Variants in HTT observed in about 807,000 individuals in gnomAD.
HTT encodes huntingtin.
Under a neutral mutation model 362.3 loss-of-function variants are expected in HTT, and 104 were observed. The ratio of observed to expected loss-of-function variants is 0.29; its 90% CI spans 0.24 to 0.34. The LOEUF (loss-of-function observed/expected upper bound fraction) is 0.34, where lower values mean the gene tolerates loss of function less well. HTT is among the 10% of genes least tolerant of loss of function. HTT has a pLI of 1.00. For synonymous variants in HTT, 1,577 were observed against 1,548.7 expected, an observed-to-expected ratio of 1.02 and a Z score of -0.43; for missense variants, 3,301 against 3,928.6, an observed-to-expected ratio of 0.84 and a Z score of 4.27.
rs1291971468 is a variant in HTT at position 3,154,316 on chromosome 4, C to T, written c.3522C>T (p.Asn1174=). Residue 1174 remains asparagine, a synonymous_variant, in exon 27 of 67, where the codon AAC becomes AAT. Transcript: ENST00000355072. ...AGGCAGCCTTGCCTTCTCTAACAAA[C>T]CCCCCTTCTCTAAGTCCCATCCGAC... ...AIKAALPSLT[N]PPSLSPIRRK... 1.2e-6 allele frequency: 2 copies of T among 1,602,120 alleles called. No homozygotes were observed. Among genetic ancestry groups the T allele is most frequent in the African/African-American group, 2.7e-5 (2 of 74,572 alleles).
chr4:3,191,177 TTC>T (rs1248524873), intron 40 of HTT, among the ~76,000 whole-genome samples: 1 of 150,676 alleles, frequency 6.6e-6, no homozygotes, highest in African/African-American at 2.4e-5. Flanking sequence ...CTTTCTTTCT[TTC>T]TTTTTTTTTT....
At position 3,140,639 on chromosome 4, in the gene HTT, C is replaced by T. The variant is rs1419544260; in HGVS notation, c.2928C>T (p.Ser976=). Residue 976 remains serine, a synonymous_variant, in exon 22 of 67, where the codon TCC becomes TCT. Transcript: ENST00000355072. Reference sequence around the variant, plus strand: ...AGACGCAGCCTCCATCTCATTTCTCCGTCAGCACAATAACCAGGTATGCTG... The same window carrying T: ...AGACGCAGCCTCCATCTCATTTCTCTGTCAGCACAATAACCAGGTATGCTG... ...MHETQPPSHF[S]VSTITRIYRG... 8.7e-6 allele frequency: 14 copies of T among 1,613,946 alleles called. No homozygotes were observed. The highest frequency in any genetic ancestry group is 2.7e-5 in the African/African-American group (2 of 74,922).
chr4:3,117,405 A>G (rs1406248014), intron 8 of HTT, among the ~76,000 whole-genome samples: 1 of 151,944 alleles, frequency 6.6e-6, no homozygotes, highest in East Asian at 1.9e-4. Context: ...TCAACTCATG[A>G]CCAGTTATAT....
rs73074831 is a variant in HTT at position 3,226,026 on chromosome 4, C to T, written c.7848+283C>T. 6.3e-3 allele frequency among the ~76,000 whole-genome samples: 956 copies of T among 152,132 alleles called. 10 individuals are homozygous for T. Among genetic ancestry groups the T allele is most frequent in the African/African-American group, 0.022 (913 of 41,486 alleles). On this transcript the variant is annotated intron_variant, in intron 57 of 66. Coordinates refer to ENST00000355072, the MANE Select transcript of HTT (RefSeq NM_001388492.1). ...ATGTGTGTAAGAGACAGTGAGAGGG[C>T]GTGACTTGGACTTAAGCAAGGACCG...
intron 45 of HTT, 54 bp downstream of exon 45, chr4:3,207,411 G>T: frequency 7.2e-7 from 1 of 1,395,950 alleles, no homozygotes; most frequent in Admixed American, 1.9e-5. Flanking sequence ...GGATATAAAG[G>T]ATATAGATTT....
At chr4:3,234,028 G>T (rs958764921) in intron 61 of HTT, among the ~76,000 whole-genome samples, 1 of 152,228 alleles carries the variant, frequency 6.6e-6, no homozygotes. Context: ...CCACCCACAT[G>T]GGGGAGTTGA....
rs1718467407 is a variant in HTT, at chr4:3,180,569, A to G, written c.4667A>G (p.Asn1556Ser). Residue 1556 changes from asparagine to serine, a missense_variant, in exon 36 of 67, where the codon AAT becomes AGT. By Grantham distance (46) the Asn-to-Ser change is conservative. Around this residue, in one of 4 missense-constraint regions of HTT, gnomAD observed 2,316 missense variants for 2,658.5 expected, o/e 0.87. Coordinates refer to ENST00000355072, the MANE Select transcript of HTT (RefSeq NM_001388492.1). ...VHDLFVLRGT[N>S]KADAGKELET... ...GACCTCTTTGTATTAAGAGGAACAA[A>G]TAAAGCTGATGCAGGAAAAGAGCTT... The G allele has an allele frequency of 1.2e-6, 2 of 1,613,646 alleles. No homozygotes were observed. The highest frequency in any genetic ancestry group is 8.5e-7 in the Non-Finnish European group (1 of 1,179,830).
At position 3,218,060 on chromosome 4, in the gene HTT, C is replaced by G. The variant is rs1383936593; in HGVS notation, c.7242+108C>G. 17 of 978,944 alleles carry G rather than the reference C, an allele frequency of 1.7e-5. No homozygotes were observed. Among genetic ancestry groups the G allele is most frequent in the Non-Finnish European group, 2.4e-5 (16 of 679,594 alleles). 60.6% of individuals were successfully genotyped at this position (978,944 alleles called of 1,614,324 possible). On this transcript the variant is annotated intron_variant, in intron 52 of 66. Coordinates refer to ENST00000355072, the MANE Select transcript of HTT (RefSeq NM_001388492.1). The surrounding 1 kb of genome is among the most constrained non-coding windows in gnomAD (Gnocchi z 4.4). ...GGACAGAATCCCCGCAGCCCAGAGGCTGCCTGCTGTGGTTCTGGTGCCCAC... is the reference window on the plus strand; with the variant it reads ...GGACAGAATCCCCGCAGCCCAGAGGGTGCCTGCTGTGGTTCTGGTGCCCAC...
At chr4:3,079,795 AC>A (rs1029902685) in intron 1 of HTT, among the ~76,000 whole-genome samples, 7 of 152,154 alleles carry the variant, frequency 4.6e-5, no homozygotes, top group Non-Finnish European at 8.8e-5. Context: ...AAAAGCAGAA[AC>A]CAGTTAGGAA....
chr4:3,157,151 A>T lies in HTT; in HGVS notation c.3705A>T (p.Ser1235=). The T allele has an allele frequency of 6.2e-7, 1 of 1,613,746 alleles. No homozygotes were observed. Among genetic ancestry groups the T allele is most frequent in the African/African-American group, 1.3e-5 (1 of 75,028 alleles). Residue 1235 remains serine, a synonymous_variant, in exon 28 of 67, where the codon TCA becomes TCT. Transcript: ENST00000355072. ...TGGGGAGTTTCTATCATCTTCCTTC[A>T]TACCTCAAACTGCATGATGTCCTGA... ...SSLGSFYHLP[S]YLKLHDVLKA...
chr4:3,133,596 A>T (rs978450768), intron 18 of HTT, among the ~76,000 whole-genome samples: 1 of 151,774 alleles, frequency 6.6e-6, no homozygotes, highest in Non-Finnish European at 1.5e-5. Context: ...CTTAGGGATT[A>T]TTTACTCAAC....
intron 52 of HTT, among the ~76,000 whole-genome samples, chr4:3,219,390 T>C (rs1403799853): frequency 1.3e-5 from 2 of 152,096 alleles, no homozygotes; most frequent in Non-Finnish European, 2.9e-5. Context: ...TCCAGCAAGC[T>C]CTTCACTGGC....
At chr4:3,219,563 C>G (rs1175521827) in intron 52 of HTT, among the ~76,000 whole-genome samples, 1 of 152,108 alleles carries the variant, frequency 6.6e-6, no homozygotes, top group Non-Finnish European at 1.5e-5. Context: ...TATCATAGAG[C>G]CCCCTCTGCC....
intron 56 of HTT, among the ~76,000 whole-genome samples, 186 bp downstream of exon 56, chr4:3,224,317 T>G (rs1350964802): frequency 6.6e-6 from 1 of 152,176 alleles, no homozygotes; most frequent in Middle Eastern, 3.2e-3. Flanking sequence ...AAGTAAAATC[T>G]GGAAATGAAT....
chr4:3,142,779 T>C lies in HTT; in HGVS notation c.2959T>C (p.Tyr987His), dbSNP rs1369807585. 2.6e-6 allele frequency: 4 copies of C among 1,509,686 alleles called. No individual in the cohort carries two copies. The highest frequency in any genetic ancestry group is 3.7e-6 in the Non-Finnish European group (4 of 1,085,122). 93.5% of individuals were successfully genotyped at this position (1,509,686 alleles called of 1,614,324 possible). A position where few individuals can be genotyped will look rare whatever the true frequency, so the allele number is the denominator to read the frequency against. The change falls in exon 23 of 67, where the codon TAT becomes CAT. Residue 987 changes from tyrosine (Y) to histidine (H), a missense_variant. Tyr to His is a moderately conservative substitution (Grantham distance 83). Around this residue, in one of 4 missense-constraint regions of HTT, gnomAD observed 2,316 missense variants for 2,658.5 expected, o/e 0.87. Coordinates refer to ENST00000355072, the MANE Select transcript of HTT (RefSeq NM_001388492.1). The part of the protein sequence containing the change: ...VSTITRIYRG[Y>H]NLLPSITDVT... The stretch of plus-strand genomic sequence containing the variant: ...TTTTGTTATTAGAATATATAGAGGC[T>C]ATAACCTACTACCAAGCATAACAGA...
chr4:3,105,342 A>C lies in HTT; in HGVS notation c.529-15A>C. 6.3e-7 allele frequency: 1 copy of C among 1,595,714 alleles called. No homozygotes were observed. Among genetic ancestry groups the C allele is most frequent in the Non-Finnish European group, 8.6e-7 (1 of 1,163,384 alleles). On this transcript the variant is annotated splice_polypyrimidine_tract_variant and intron_variant, in intron 4 of 66. Transcript: ENST00000355072. ...GTATGTGACTCTTAATGCAACCCTC[A>C]TTGCACCCCCTCAGAATGGTGCCCC...
At chr4:3,221,910 A>G (rs1313681263) in intron 53 of HTT, among the ~76,000 whole-genome samples, 8 of 152,258 alleles carry the variant, frequency 5.3e-5, no homozygotes, top group African/African-American at 7.2e-5. Context: ...GAATTCACAT[A>G]CTACAGATTT....
chr4:3,129,845 C>T (rs778567579), intron 12 of HTT, 79 bp from the exon 13 acceptor site: 6 of 1,545,006 alleles, frequency 3.9e-6, no homozygotes, highest in Non-Finnish European at 3.6e-6. Context: ...GCTCTTTCCT[C>T]ATTGCACTTC....
chr4:3,134,331 C>T, intron 18 of HTT, 70 bp from the exon 19 acceptor site: 2 of 1,406,460 alleles, frequency 1.4e-6, no homozygotes, highest in Middle Eastern at 2.4e-4. Flanking sequence ...TGACGGTTCT[C>T]AAACCGTCAA....
Sources: allele counts gnomAD v4.1 joint callset (sites outside exome capture counted in the v4.1 genomes callset), GRCh38; gene constraint gnomAD v4.1.1; regional missense constraint gnomAD v4.1.1; non-coding constraint Gnocchi (gnomAD v3.1); transcripts MANE v1.5; gene names NCBI Gene and HGNC (gene_info 2026-07-23, HGNC 2026-07-21).